SLC2A13: variants seen among roughly 807,000 people sequenced by gnomAD.
SLC2A13 encodes the protein proton myo-inositol cotransporter.
SLC2A13 carries 32 observed loss-of-function variants against 64.4 expected under a neutral mutation model. The ratio of observed to expected loss-of-function variants is 0.50; its 90% confidence interval spans 0.37 to 0.67. The LOEUF (loss-of-function observed/expected upper bound fraction) is 0.67. SLC2A13 is among the 30% of genes least tolerant of loss of function. The pLI, the probability that SLC2A13 is intolerant of heterozygous loss-of-function variation, is 0.00. For synonymous variants in SLC2A13, 338 were observed against 327.1 expected (o/e 1.03, Z -0.36); for missense variants, 743 against 829.2 (o/e 0.90, Z 1.28).
At chr12:40,070,849 G>A (rs1011690333) in intron 1 of SLC2A13, among the ~76,000 whole-genome samples, 5 of 152,070 alleles carry the variant, frequency 3.3e-5, no homozygotes, top group African/African-American at 2.4e-5. Context: ...TCTGTTTGGC[G>A]TTTTTGTCAA....
At chr12:39,911,355 T>G (rs1945425996) in intron 4 of SLC2A13, among the ~76,000 whole-genome samples, 1 of 152,148 alleles carries the variant, frequency 6.6e-6, no homozygotes, top group Non-Finnish European at 1.5e-5. Context: ...AGTTCAACTA[T>G]TTTGTTGTTT....
intron 4 of SLC2A13, among the ~76,000 whole-genome samples, chr12:39,883,437 G>A (rs1217092967): frequency 6.6e-6 from 1 of 152,144 alleles, no homozygotes; most frequent in East Asian, 1.9e-4. Flanking sequence ...ATACAAACTA[G>A]TCTTTTCTTC....
chr12:39,889,177 T>G (rs1010359817), intron 4 of SLC2A13, among the ~76,000 whole-genome samples: 8 of 152,168 alleles, frequency 5.3e-5, no homozygotes, highest in Admixed American at 2.6e-4. Context: ...GCTTATTAGA[T>G]CTTTCTGCAG....
intron 2 of SLC2A13, among the ~76,000 whole-genome samples, chr12:40,038,730 CAAAAA>C (rs34951191): frequency 9.3e-6 from 1 of 107,328 alleles, no homozygotes; most frequent in East Asian, 3.0e-4. Context: ...GACCCTGTCT[CAAAAA>C]AAAAAAAAAG....
intron 3 of SLC2A13, among the ~76,000 whole-genome samples, chr12:39,980,580 C>T (rs911604816): frequency 7.9e-5 from 12 of 151,244 alleles, no homozygotes; most frequent in Non-Finnish European, 1.5e-4. Context: ...ACAAAGAAGG[C>T]CATTACATAA....
At chr12:40,062,385 G>GAA (rs11375829) in intron 1 of SLC2A13, among the ~76,000 whole-genome samples, 17 of 150,612 alleles carry the variant, frequency 1.1e-4, no homozygotes, top group Admixed American at 2.0e-4. Context: ...AGCTTCAGGG[G>GAA]AAAAAAAAAT....
intron 2 of SLC2A13, among the ~76,000 whole-genome samples, chr12:40,040,890 G>C (rs1763438004): frequency 1.3e-5 from 2 of 152,108 alleles, no homozygotes; most frequent in Admixed American, 6.6e-5. Context: ...AAGTTGTTTA[G>C]AAATAACATC....
chr12:39,976,664 C>T (rs28370730), intron 3 of SLC2A13, among the ~76,000 whole-genome samples: 1,907 of 152,182 alleles, frequency 0.013, 48 homozygotes, highest in African/African-American at 0.044. Context: ...TCCCAAGTAG[C>T]TTGGATTACA....
intron 3 of SLC2A13, among the ~76,000 whole-genome samples, chr12:39,995,189 C>T (rs1028502433): frequency 6.6e-6 from 1 of 152,044 alleles, no homozygotes; most frequent in Non-Finnish European, 1.5e-5. Flanking sequence ...TTTATGGGTA[C>T]GTGTAGTATT....
At chr12:39,956,371 T>C (rs1254598659) in intron 3 of SLC2A13, among the ~76,000 whole-genome samples, 1 of 152,196 alleles carries the variant, frequency 6.6e-6, no homozygotes, top group Non-Finnish European at 1.5e-5. Flanking sequence ...TGCATGGTTG[T>C]GGTAATGGTT....
At chr12:40,038,663 C>T (rs1408388171) in intron 2 of SLC2A13, among the ~76,000 whole-genome samples, 2 of 147,236 alleles carry the variant, frequency 1.4e-5, no homozygotes, top group Non-Finnish European at 3.0e-5. Context: ...CCCAGGAGGT[C>T]GAGGCTGCAG....
chr12:39,896,089 T>TAC (rs1944823704), intron 4 of SLC2A13, among the ~76,000 whole-genome samples: 1 of 146,002 alleles, frequency 6.8e-6, no homozygotes, highest in African/African-American at 2.6e-5. Flanking sequence ...TGTACATATA[T>TAC]GTATACACGT....
intron 4 of SLC2A13, among the ~76,000 whole-genome samples, chr12:39,877,180 C>T (rs923056534): frequency 2.0e-5 from 3 of 152,082 alleles, no homozygotes; most frequent in Admixed American, 6.6e-5. Flanking sequence ...GCTATAAAGA[C>T]ACATCTAAGA....
intron 3 of SLC2A13, among the ~76,000 whole-genome samples, chr12:40,015,715 G>T (rs1947610091): frequency 6.6e-6 from 1 of 152,100 alleles, no homozygotes; most frequent in Admixed American, 6.5e-5. Flanking sequence ...TCATCAGCAT[G>T]TATATCCACG....
In SLC2A13 at chr12:40,102,411, C is replaced by T. The variant is rs1305504756; in HGVS notation, c.556+2842G>A. On this transcript the variant is annotated intron_variant, in intron 1 of 9. Transcript: ENST00000280871. ...AACAATCCTACCTTAAAGTGCTACCCGACCAGCAATGGAATTTGGATTTTT... is the reference window on the plus strand; with the variant it reads ...AACAATCCTACCTTAAAGTGCTACCTGACCAGCAATGGAATTTGGATTTTT... Among the ~76,000 whole-genome samples, 4 of 152,038 alleles carry T rather than the reference C, an allele frequency of 2.6e-5. No individual in the cohort carries two copies. The East Asian group carries it at 5.8e-4, about 22-fold the overall frequency.
intron 7 of SLC2A13, among the ~76,000 whole-genome samples, chr12:39,797,036 T>C (rs1446883230): frequency 1.3e-5 from 2 of 152,230 alleles, no homozygotes; most frequent in African/African-American, 2.4e-5. Context: ...TTAAAAAACT[T>C]ATAATTACCT....
At chr12:39,841,808 A>C (rs1438049620) in intron 6 of SLC2A13, among the ~76,000 whole-genome samples, 2 of 152,044 alleles carry the variant, frequency 1.3e-5, no homozygotes, top group East Asian at 3.9e-4. Context: ...AGAATAGAAA[A>C]ATTAGAAGGA....
At position 39,972,012 on chromosome 12, in the gene SLC2A13, A is replaced by G. The variant is rs1393002792; in HGVS notation, c.926-20647T>C. On this transcript the variant is annotated intron_variant, in intron 3 of 9. Coordinates refer to ENST00000280871, the MANE Select transcript of SLC2A13 (RefSeq NM_052885.4). ...AAAAAAAAAAAATATATATATATATATATTTTTTTTTATATAAATATATAT... is the reference window on the plus strand; with the variant it reads ...AAAAAAAAAAAATATATATATATATGTATTTTTTTTTATATAAATATATAT... 2.5e-3 allele frequency among the ~76,000 whole-genome samples: 37 copies of G among 14,976 alleles called. 1 individual carries two copies. Among genetic ancestry groups the G allele is most frequent in the South Asian group, 3.5e-3 (1 of 284 alleles). The allele number at this position is 14,976 out of a possible 152,430, so 9.8% of individuals were successfully genotyped here.
At chr12:39,898,160 A>G (rs1944977068) in intron 4 of SLC2A13, among the ~76,000 whole-genome samples, 2 of 151,994 alleles carry the variant, frequency 1.3e-5, no homozygotes, top group African/African-American at 4.8e-5. Flanking sequence ...TTGTAGAAGT[A>G]TTCCCTTAGG....
Sources: gnomAD v4.1 joint callset for allele counts (sites outside exome capture counted in the v4.1 genomes callset) on GRCh38, gnomAD v4.1.1 for gene constraint, MANE v1.5 for transcripts, NCBI Gene and HGNC (gene_info 2026-07-23, HGNC 2026-07-21) for gene names.